The following RTN4 variants were observed in gnomAD, a reference collection of about 807,000 sequenced individuals.
RTN4 encodes the protein reticulon-4.
In RTN4, 32 loss-of-function variants were observed where a neutral mutation model predicts 90.4. The observed-to-expected ratio is 0.35, with a 90% CI of 0.27 to 0.48. The LOEUF is 0.48. Ranked by LOEUF, RTN4 falls within the 20% of genes least tolerant of loss-of-function variation. The pLI is 0.99. For missense variants in RTN4, 1,706 were observed against 1,430.2 expected, an observed-to-expected ratio of 1.19 and a Z score of -3.11; for synonymous variants, 629 against 552.5, an observed-to-expected ratio of 1.14 and a Z score of -1.94.
At position 55,050,406 on chromosome 2, in the gene RTN4, C is replaced by A. The variant is rs781329897; in HGVS notation, c.-106G>T. Reference sequence around the variant, plus strand: ...TTGGGGAGGACTGAGAGGGGCTGGGCCGACTGAGCCGAGGGACCTACTGTG... The same window carrying A: ...TTGGGGAGGACTGAGAGGGGCTGGGACGACTGAGCCGAGGGACCTACTGTG... On this transcript the variant is annotated 5_prime_UTR_variant, in exon 1 of 9. Transcript: ENST00000337526. The surrounding 1 kb of genome is among the most constrained non-coding windows in gnomAD (Gnocchi z 4.6). 1 of 592,916 alleles carries A rather than the reference C, an allele frequency of 1.7e-6. No homozygotes were observed. The highest frequency in any genetic ancestry group is 2.6e-6 in the Non-Finnish European group (1 of 378,446). 36.7% of individuals were successfully genotyped at this position (592,916 alleles called of 1,614,324 possible).
chr2:55,081,964 C>A (rs1340676579), intron 1 of RTN4, among the ~76,000 whole-genome samples: 4 of 151,760 alleles, frequency 2.6e-5, no homozygotes, highest in East Asian at 3.9e-4. Flanking sequence ...GAAAAAGAGG[C>A]CTTACATACT....
chr2:55,127,176 A>G, the RTN4 span, among the ~76,000 whole-genome samples: 112,231 of 151,994 alleles, frequency 0.74, 41,994 homozygotes, highest in African/African-American at 0.85. Context: ...GTTTAAAAGT[A>G]ACCTTTAATT....
At chr2:55,066,482 G>C (rs551215087) in intron 2 of RTN4, among the ~76,000 whole-genome samples, 1 of 152,110 alleles carries the variant, frequency 6.6e-6, no homozygotes, top group East Asian at 1.9e-4. Flanking sequence ...ATCACTTGAG[G>C]TCAGGAGTTT....
At chr2:55,041,063 CTT>C (rs1683042036) in intron 1 of RTN4, among the ~76,000 whole-genome samples, 1 of 147,662 alleles carries the variant, frequency 6.8e-6, no homozygotes, top group African/African-American at 2.5e-5. Flanking sequence ...GAGAATATTT[CTT>C]TCTTTCTCAA....
intron 1 of RTN4, among the ~76,000 whole-genome samples, chr2:55,091,638 G>A (rs1375752738): frequency 1.3e-5 from 2 of 152,018 alleles, no homozygotes; most frequent in African/African-American, 2.4e-5. Flanking sequence ...GACCTGCCTG[G>A]GCAATATAGC....
intron 5 of RTN4, among the ~76,000 whole-genome samples, chr2:54,977,933 G>A (rs1012979963): frequency 1.3e-5 from 2 of 152,106 alleles, no homozygotes; most frequent in Admixed American, 6.5e-5. Context: ...CCAGGCACAC[G>A]GATACCCATC....
chr2:55,052,139 A>G (rs752704735), upstream of RTN4, among the ~76,000 whole-genome samples: 1 of 152,246 alleles, frequency 6.6e-6, no homozygotes, highest in Non-Finnish European at 1.5e-5. Flanking sequence ...TGGTGGATAC[A>G]TAACATTATG....
intron 3 of RTN4, among the ~76,000 whole-genome samples, chr2:55,019,192 T>C (rs1458814469): frequency 6.6e-6 from 1 of 152,148 alleles, no homozygotes; most frequent in African/African-American, 2.4e-5. Context: ...AGCTAATTAA[T>C]TCATTAATGG....
intron 1 of RTN4, among the ~76,000 whole-genome samples, chr2:55,086,469 T>C (rs919857391): frequency 2.7e-5 from 4 of 148,026 alleles, no homozygotes; most frequent in Non-Finnish European, 4.5e-5. Context: ...AAGACCACCC[T>C]GGGCAACATA....
intron 3 of RTN4, among the ~76,000 whole-genome samples, chr2:54,995,927 C>T (rs1379964979): frequency 6.6e-6 from 1 of 151,742 alleles, no homozygotes; most frequent in Non-Finnish European, 1.5e-5. Flanking sequence ...CAACACTGAA[C>T]AAAACAATGA....
At chr2:55,108,572 T>G (rs2105064735) in intron 1 of RTN4, among the ~76,000 whole-genome samples, 1 of 152,086 alleles carries the variant, frequency 6.6e-6, no homozygotes, top group Admixed American at 6.5e-5. Context: ...TAAGAGCAGC[T>G]CTAGTGGAGG....
rs1295897181 is a variant in RTN4 at position 54,974,603 on chromosome 2, C to T, written c.3430+92G>A. The T allele has an allele frequency of 2.7e-6, 3 of 1,091,404 alleles. No homozygotes were observed. In the East Asian group the frequency reaches 7.2e-5, roughly 26 times the overall value. 67.6% of individuals were successfully genotyped at this position (1,091,404 alleles called of 1,614,324 possible). A position where few individuals can be genotyped will look rare whatever the true frequency, so the allele number is the denominator to read the frequency against. On this transcript the variant is annotated intron_variant, in intron 6 of 8. Transcript: ENST00000337526. ...GCCCACATTTTCATCCCCTACTTTT[C>T]ATACAATGAGAATATTCTCCACTAA...
intron 3 of RTN4, among the ~76,000 whole-genome samples, chr2:55,011,063 C>A (rs1284307033): frequency 6.6e-6 from 1 of 152,112 alleles, no homozygotes; most frequent in Non-Finnish European, 1.5e-5. Context: ...CACAGGGTCT[C>A]GCTCTGTCAC....
rs760126708 is a variant in RTN4 at position 55,025,907 on chromosome 2, T to C, written c.2192A>G (p.His731Arg). The C allele has an allele frequency of 1.2e-6, 2 of 1,613,646 alleles. No individual in the cohort carries two copies. The highest frequency in any genetic ancestry group is 2.7e-5 in the African/African-American group (2 of 74,914). The part of the protein sequence containing the change: ...MAKVEQPVPD[H>R]SELVEDSSPD... Reference sequence around the variant, plus strand: ...TGAGGAATCTTCAACTAGCTCAGAATGATCAGGCACTGGCTGTTCAACTTT... The same window carrying C: ...TGAGGAATCTTCAACTAGCTCAGAACGATCAGGCACTGGCTGTTCAACTTT... Residue 731 changes from histidine to arginine, a missense_variant, in exon 3 of 9, where the codon CAT becomes CGT. By Grantham distance (29) the His-to-Arg change is conservative. Coordinates refer to ENST00000337526, the MANE Select transcript of RTN4 (RefSeq NM_020532.5).
At chr2:55,057,272 G>A (rs1489405770) in intron 2 of RTN4, among the ~76,000 whole-genome samples, 3 of 152,288 alleles carry the variant, frequency 2.0e-5, no homozygotes, top group Non-Finnish European at 2.9e-5. Context: ...TGATGTATGC[G>A]GATTTTTTGG....
At chr2:55,020,915 G>A (rs1235542454) in intron 3 of RTN4, among the ~76,000 whole-genome samples, 1 of 152,058 alleles carries the variant, frequency 6.6e-6, no homozygotes, top group Non-Finnish European at 1.5e-5. Flanking sequence ...AGGACCACCT[G>A]ACCCTGGGAG....
the RTN4 span, among the ~76,000 whole-genome samples, chr2:55,132,035 T>TG: frequency 6.6e-6 from 1 of 152,182 alleles, no homozygotes; most frequent in Admixed American, 6.5e-5. Flanking sequence ...CAAGTATTTA[T>TG]GGGGGGAATG....
chr2:54,990,835 G>A (rs60553807), intron 3 of RTN4, among the ~76,000 whole-genome samples: 9,897 of 152,076 alleles, frequency 0.065, 532 homozygotes, highest in South Asian at 0.19. Flanking sequence ...GCCCGGGCTG[G>A]AGTGCAGTGG....
chr2:55,007,359 C>T (rs1036453457), intron 3 of RTN4, among the ~76,000 whole-genome samples: 7 of 152,060 alleles, frequency 4.6e-5, no homozygotes, highest in Admixed American at 3.3e-4. Context: ...TATGCAGCAC[C>T]CTAAACCAAC....
Sources: gnomAD v4.1 joint callset for allele counts (sites outside exome capture counted in the v4.1 genomes callset) on GRCh38, gnomAD v4.1.1 for gene constraint, Gnocchi (gnomAD v3.1) non-coding constraint, MANE v1.5 for transcripts, NCBI Gene and HGNC (gene_info 2026-07-23, HGNC 2026-07-21) for gene names.